The following C5 variants were observed in gnomAD, a reference collection of about 807,000 sequenced individuals.
C5 encodes C3 and PZP-like alpha-2-macroglobulin domain-containing protein 4.
C5 carries 140 observed loss-of-function variants against 218.8 expected under a neutral mutation model. The ratio of observed to expected loss-of-function variants is 0.64; its 90% CI spans 0.56 to 0.74. The LOEUF (loss-of-function observed/expected upper bound fraction) is 0.74. Ranked by LOEUF, C5 falls within the 30% of genes least tolerant of loss-of-function variation. C5 has a pLI of 0.00. For missense variants in C5, 1,700 were observed against 1,969.6 expected, an observed-to-expected ratio of 0.86 and a Z score of 2.59; for synonymous variants, 614 against 682.3, an observed-to-expected ratio of 0.90 and a Z score of 1.56.
chr9:120,975,207 C>T (rs538816571), intron 29 of C5, among the ~76,000 whole-genome samples: 37 of 152,310 alleles, frequency 2.4e-4, no homozygotes, highest in African/African-American at 8.7e-4. Context: ...TCACTGTTTG[C>T]AGAATTCATC....
chr9:120,962,692 C>G lies in C5; in HGVS notation c.4483G>C (p.Val1495Leu). ...VGFLSPATFT[V>L]YEYHRPDKQC... ...TTACCTGGTCTGTGGTATTCGTACA[C>G]TGTGAAAGTGGCAGGACTGAGAAAC... The change falls in exon 36 of 41, where the codon GTG (valine) becomes CTG (leucine). Residue 1495 changes from valine to leucine, a missense_variant. Coordinates refer to ENST00000223642, the MANE Select transcript of C5 (RefSeq NM_001735.3). 1 of 1,612,896 alleles carries G rather than the reference C, an allele frequency of 6.2e-7. No individual in the cohort carries two copies. The highest frequency in any genetic ancestry group is 8.5e-7 in the Non-Finnish European group (1 of 1,178,878).
chr9:121,048,574 G>A (rs2047647595), intron 1 of C5, among the ~76,000 whole-genome samples: 1 of 152,216 alleles, frequency 6.6e-6, no homozygotes, highest in Non-Finnish European at 1.5e-5. Context: ...TGCCAAAATG[G>A]TTGGGGACTG....
At chr9:121,074,816 G>A in the C5 span, 6 of 455,706 alleles carry the variant, frequency 1.3e-5, no homozygotes, top group African/African-American at 8.0e-5. Flanking sequence ...CGGAAGCCTC[G>A]CGCCCAAGAC....
At chr9:120,978,626 C>T (rs376387807) in intron 28 of C5, among the ~76,000 whole-genome samples, 1 of 152,100 alleles carries the variant, frequency 6.6e-6, no homozygotes, top group East Asian at 1.9e-4. Flanking sequence ...TGGTCATAAA[C>T]CTCAGTAAGA....
chr9:121,036,676 C>T (rs1300166959), intron 4 of C5, among the ~76,000 whole-genome samples: 2 of 152,098 alleles, frequency 1.3e-5, no homozygotes, highest in African/African-American at 4.8e-5. Flanking sequence ...CTTTCATTAA[C>T]ACCCAACTCA....
At chr9:121,000,670 C>T (rs1416798790) in intron 20 of C5, among the ~76,000 whole-genome samples, 1 of 152,148 alleles carries the variant, frequency 6.6e-6, no homozygotes, top group Non-Finnish European at 1.5e-5. Flanking sequence ...ATAGAAAAAA[C>T]AGTTCTTTAG....
intron 17 of C5, among the ~76,000 whole-genome samples, chr9:121,011,219 C>G (rs2047259466): frequency 6.6e-6 from 1 of 152,120 alleles, no homozygotes; most frequent in Admixed American, 6.6e-5. Flanking sequence ...ATACTTGCAG[C>G]TACCCATCTG....
At chr9:121,040,952 CTTT>C (rs35536237) in intron 3 of C5, among the ~76,000 whole-genome samples, 18 of 129,236 alleles carry the variant, frequency 1.4e-4, no homozygotes, top group East Asian at 2.3e-4. Context: ...TTTTTTTTCT[CTTT>C]TTTTTTTTTT....
At chr9:120,975,918 T>C (rs1406245593) in intron 29 of C5, among the ~76,000 whole-genome samples, 7 of 152,212 alleles carry the variant, frequency 4.6e-5, no homozygotes, top group Non-Finnish European at 8.8e-5. Flanking sequence ...TTCTCATCTA[T>C]AAAACTGAGA....
At chr9:120,959,682 A>T (rs1408561568) in intron 38 of C5, among the ~76,000 whole-genome samples, 5 of 152,246 alleles carry the variant, frequency 3.3e-5, no homozygotes, top group Non-Finnish European at 5.9e-5. Flanking sequence ...AGCTAATTTT[A>T]TCAGGAACTG....
chr9:120,962,843 A>G (rs1053007328), intron 35 of C5, 50 bp downstream of exon 35: 1 of 1,599,912 alleles, frequency 6.3e-7, no homozygotes, highest in Admixed American at 1.7e-5. Flanking sequence ...TTTAGCCTGT[A>G]TATTTTGAAT....
intron 33 of C5, among the ~76,000 whole-genome samples, chr9:120,964,888 G>C (rs1294915634): frequency 6.6e-6 from 1 of 152,130 alleles, no homozygotes; most frequent in Non-Finnish European, 1.5e-5. Context: ...TTGGTTTTGG[G>C]TGGCAGAGGC....
At chr9:121,052,497 T>A (rs1248132974), upstream of C5, among the ~76,000 whole-genome samples, 1 of 151,914 alleles carries the variant, frequency 6.6e-6, no homozygotes, top group East Asian at 1.9e-4. Flanking sequence ...CTTTATAATT[T>A]AAAATGTGAC....
At chr9:121,052,504 T>A (rs1427689998), upstream of C5, among the ~76,000 whole-genome samples, 1 of 151,500 alleles carries the variant, frequency 6.6e-6, no homozygotes, top group Non-Finnish European at 1.5e-5. Context: ...ATTTAAAATG[T>A]GACCTTTGGT....
intron 39 of C5, among the ~76,000 whole-genome samples, chr9:120,955,591 T>C (rs1474447451): frequency 6.6e-6 from 1 of 152,104 alleles, no homozygotes; most frequent in Admixed American, 6.5e-5. Context: ...ACTTATTTCA[T>C]TAGAATGGCA....
rs2047364203 is a variant in C5 at position 121,021,447 on chromosome 9, C to T, written c.1302+62G>A. The T allele has an allele frequency of 3.6e-6, 5 of 1,372,404 alleles. No homozygotes were observed. The Admixed American group carries it at 5.0e-5, about 14-fold the overall frequency. 85.0% of individuals were successfully genotyped at this position (1,372,404 alleles called of 1,614,324 possible). A position where few individuals can be genotyped will look rare whatever the true frequency, so the allele number is the denominator to read the frequency against. Reference sequence around the variant, plus strand: ...CTGCCGCATCTGTTCTGCACACTAGCCAAAACACATGGTCAAGAGTACACA... The same window carrying T: ...CTGCCGCATCTGTTCTGCACACTAGTCAAAACACATGGTCAAGAGTACACA... On this transcript the variant is annotated intron_variant, in intron 11 of 40. Coordinates refer to ENST00000223642, the MANE Select transcript of C5 (RefSeq NM_001735.3).
In C5 at chr9:120,952,680, C is replaced by T. The variant is rs927813818; in HGVS notation, c.*59G>A. ...TTAAAAAAAGAAGAAAACAAAAAAA[C>T]GAACTTCAACAACAGGAGTCCATAA... On this transcript the variant is annotated 3_prime_UTR_variant, in exon 41 of 41. Coordinates refer to ENST00000223642, the MANE Select transcript of C5 (RefSeq NM_001735.3). 9.5e-6 allele frequency: 15 copies of T among 1,582,740 alleles called. No homozygotes were observed. The highest frequency in any genetic ancestry group is 4.1e-5 in the African/African-American group (3 of 73,966).
intron 31 of C5, 58 bp from the exon 32 acceptor site, chr9:120,970,309 T>C: frequency 8.7e-7 from 1 of 1,146,960 alleles, no homozygotes; most frequent in Non-Finnish European, 1.3e-6. Context: ...GTGACAAAGG[T>C]ATTATGGCAA....
intron 25 of C5, among the ~76,000 whole-genome samples, chr9:120,984,987 G>A (rs1397965954): frequency 6.6e-6 from 1 of 151,990 alleles, no homozygotes; most frequent in Non-Finnish European, 1.5e-5. Flanking sequence ...CTCCCAAAGT[G>A]CTGGGATTAT....
Sources: allele counts gnomAD v4.1 joint callset (sites outside exome capture counted in the v4.1 genomes callset), GRCh38; gene constraint gnomAD v4.1.1; transcripts MANE v1.5; gene names NCBI Gene and HGNC (gene_info 2026-07-23, HGNC 2026-07-21).